The following KALRN variants were observed in gnomAD, a reference collection of about 807,000 sequenced individuals.
KALRN encodes kalirin RhoGEF kinase, also known as kalirin.
In KALRN, 70 loss-of-function variants were observed where a neutral mutation model predicts 353.7. The observed-to-expected ratio is 0.20, with a 90% CI of 0.16 to 0.24. The LOEUF (loss-of-function observed/expected upper bound fraction) is 0.24, where lower values mean the gene tolerates loss of function less well. KALRN is among the 10% of genes least tolerant of loss of function. The probability of loss-of-function intolerance (pLI) is 1.00; values close to 1 mark genes in which losing one functional copy is unlikely to be tolerated. For synonymous variants in KALRN, 1,391 were observed against 1,434.8 expected (o/e 0.97, Z 0.69); for missense variants, 2,791 against 3,756.7 (o/e 0.74, Z 6.72).
At chr3:124,240,193 G>T (rs2148640033) in intron 3 of KALRN, among the ~76,000 whole-genome samples, 1 of 152,328 alleles carries the variant, frequency 6.6e-6, no homozygotes, top group South Asian at 2.1e-4. Flanking sequence ...TAAAGCCACA[G>T]TAGTAACTGC....
intron 5 of KALRN, among the ~76,000 whole-genome samples, chr3:124,284,806 T>C (rs2075680518): frequency 6.6e-6 from 1 of 152,212 alleles, no homozygotes; most frequent in South Asian, 2.1e-4. Flanking sequence ...GGAAATGTAT[T>C]ATTTCACATT....
At chr3:124,046,437 A>G (rs1469527756) in intron 1 of KALRN, among the ~76,000 whole-genome samples, 2 of 152,172 alleles carry the variant, frequency 1.3e-5, no homozygotes, top group East Asian at 1.9e-4. Flanking sequence ...ATCTTAGTGA[A>G]TGGGAGCCAA....
At chr3:124,231,638 T>A (rs1396763492) in intron 2 of KALRN, among the ~76,000 whole-genome samples, 2 of 152,194 alleles carry the variant, frequency 1.3e-5, no homozygotes, top group Non-Finnish European at 2.9e-5. Flanking sequence ...GCTCTCCTTC[T>A]TGGAGAATTA....
chr3:124,100,139 G>A (rs574400138), intron 1 of KALRN, among the ~76,000 whole-genome samples: 1 of 152,278 alleles, frequency 6.6e-6, no homozygotes, highest in African/African-American at 2.4e-5. Flanking sequence ...ACTCCAGCCT[G>A]GGCGATATAA....
intron 1 of KALRN, among the ~76,000 whole-genome samples, chr3:124,046,808 T>C (rs1279807734): frequency 6.6e-6 from 1 of 152,192 alleles, no homozygotes; most frequent in Non-Finnish European, 1.5e-5. Flanking sequence ...GTAGGTTGTA[T>C]ACACACTTTG....
At chr3:124,530,003 C>T (rs1232991642) in intron 33 of KALRN, among the ~76,000 whole-genome samples, 3 of 152,146 alleles carry the variant, frequency 2.0e-5, no homozygotes, top group Non-Finnish European at 1.5e-5. Flanking sequence ...TCTCTCTGCC[C>T]TGCCCCACCC....
Position 124,723,038 on chromosome 3 carries a change from A to G in KALRN, c.*3568A>G, listed in dbSNP as rs2063378412. 6.6e-6 allele frequency: 1 copy of G among 152,180 alleles called. No homozygotes were observed. The highest frequency in any genetic ancestry group is 1.5e-5 in the Non-Finnish European group (1 of 68,044). 9.4% of individuals were successfully genotyped at this position (152,180 alleles called of 1,614,324 possible). A position where few individuals can be genotyped will look rare whatever the true frequency, so the allele number is the denominator to read the frequency against. ...TCCACTTACAGCTGAATGTGGTAAA[A>G]TTTTTAAGAAAAAAATGGTAATGTT... is the stretch of plus-strand genomic sequence containing the variant. On this transcript the variant is annotated 3_prime_UTR_variant, in exon 60 of 60. Transcript: ENST00000682506.
intron 13 of KALRN, 51 bp downstream of exon 13, chr3:124,398,922 G>A: frequency 6.5e-7 from 1 of 1,545,596 alleles, no homozygotes; most frequent in Non-Finnish European, 8.7e-7. Flanking sequence ...AGTGCTTCCT[G>A]GCCAAGGGCA....
At chr3:124,665,637 A>T (rs866203915) in intron 45 of KALRN, among the ~76,000 whole-genome samples, 1 of 151,902 alleles carries the variant, frequency 6.6e-6, no homozygotes, top group South Asian at 2.1e-4. Flanking sequence ...GCTAATTTTT[A>T]TATTTTTAGT....
intron 33 of KALRN, among the ~76,000 whole-genome samples, chr3:124,511,416 T>C (rs2065890095): frequency 6.6e-6 from 1 of 152,246 alleles, no homozygotes; most frequent in South Asian, 2.1e-4. Flanking sequence ...CATCCACAGC[T>C]TTGTCTGTAG....
chr3:124,637,425 A>G (rs2081481568), intron 37 of KALRN, 122 bp downstream of exon 37: 2 of 758,900 alleles, frequency 2.6e-6, no homozygotes, highest in Admixed American at 2.1e-5. Context: ...ATTGCAGCTA[A>G]TGATGGTTTC....
At chr3:124,490,989 C>A (rs1262038434) in intron 30 of KALRN, 105 bp downstream of exon 30, 4 of 976,470 alleles carry the variant, frequency 4.1e-6, no homozygotes, top group Admixed American at 2.6e-5. Flanking sequence ...GGCCTCCACA[C>A]CAAAACCATC....
intron 59 of KALRN, among the ~76,000 whole-genome samples, chr3:124,718,201 A>T (rs2063247626): frequency 6.8e-6 from 1 of 147,118 alleles, no homozygotes; most frequent in South Asian, 2.1e-4. Context: ...AGCTCACTGC[A>T]ACCTCTACCT....
intron 10 of KALRN, among the ~76,000 whole-genome samples, chr3:124,352,064 C>T (rs781650878): frequency 6.6e-6 from 1 of 152,164 alleles, no homozygotes; most frequent in African/African-American, 2.4e-5. Context: ...ATAGAAGTCC[C>T]GGGCACTGGC....
intron 32 of KALRN, among the ~76,000 whole-genome samples, chr3:124,493,799 T>G (rs990073448): frequency 1.3e-5 from 2 of 152,180 alleles, no homozygotes; most frequent in African/African-American, 4.8e-5. Context: ...TGGAGAAACC[T>G]CCATGGGGCG....
intron 1 of KALRN, 152 bp from the exon 2 acceptor site, chr3:124,227,838 G>A (rs1179026035): frequency 1.4e-6 from 1 of 697,174 alleles, no homozygotes; most frequent in African/African-American, 1.8e-5. Flanking sequence ...TTCTGTTGCA[G>A]ACCCTCTCCT....
chr3:124,611,568 A>T (rs16835717), intron 34 of KALRN, among the ~76,000 whole-genome samples: 8,248 of 152,262 alleles, frequency 0.054, 282 homozygotes, highest in Middle Eastern at 0.16. Context: ...TTGGAGGGAG[A>T]TTTATCTGGC....
At chr3:124,376,145 C>T (rs2086558560) in intron 10 of KALRN, among the ~76,000 whole-genome samples, 1 of 152,138 alleles carries the variant, frequency 6.6e-6, no homozygotes, top group Non-Finnish European at 1.5e-5. Context: ...GTGTTTAAGT[C>T]CTCAGAGATA....
At chr3:124,279,597 A>T (rs377664540) in intron 5 of KALRN, among the ~76,000 whole-genome samples, 2 of 152,010 alleles carry the variant, frequency 1.3e-5, no homozygotes, top group South Asian at 4.2e-4. Flanking sequence ...CTTGAGGAGG[A>T]CCTCATCAGT....
Sources: allele counts gnomAD v4.1 joint callset (sites outside exome capture counted in the v4.1 genomes callset), GRCh38; gene constraint gnomAD v4.1.1; transcripts MANE v1.5; gene names NCBI Gene and HGNC (gene_info 2026-07-23, HGNC 2026-07-21).